The following PAGE2B variants were observed in gnomAD, a reference collection of about 807,000 sequenced individuals.
The protein encoded by PAGE2B is PAGE family member 2B, also known as putative G antigen family E member 3.
PAGE2B carries 5 observed loss-of-function variants against 7.6 expected under a neutral mutation model. The observed-to-expected ratio is 0.66, with a 90% CI of 0.34 to 1.38. The LOEUF (loss-of-function observed/expected upper bound fraction) is 1.38. Ranked by LOEUF, PAGE2B falls within the 40% of genes most tolerant of loss-of-function variation. The probability of loss-of-function intolerance (pLI) is 0.04; values close to 1 mark genes in which losing one functional copy is unlikely to be tolerated. For missense variants in PAGE2B, 70 were observed against 78.4 expected (o/e 0.89, Z 0.41); for synonymous variants, 29 against 26.7 (o/e 1.09, Z -0.27).
At chrX:55,039,150 A>G in the PAGE2B span, among the ~76,000 whole-genome samples, 1 of 111,514 alleles carries the variant, frequency 9.0e-6, no homozygotes, top group Non-Finnish European at 1.9e-5. Flanking sequence ...CTTTCAGGTT[A>G]CAGCACGCAG....
chrX:55,067,132 G>A, the PAGE2B span, among the ~76,000 whole-genome samples: 2 of 110,206 alleles, frequency 1.8e-5, no homozygotes, highest in Admixed American at 1.9e-4. Flanking sequence ...AGGTATACAC[G>A]TGCCATGGTG....
the PAGE2B span, among the ~76,000 whole-genome samples, chrX:55,060,140 T>G: frequency 9.0e-6 from 1 of 111,714 alleles, no homozygotes; most frequent in Non-Finnish European, 1.9e-5. Context: ...TTTACTTCCT[T>G]TGGGTATATA....
chrX:55,069,301 T>G, the PAGE2B span, among the ~76,000 whole-genome samples: 2 of 111,965 alleles, frequency 1.8e-5, no homozygotes, highest in African/African-American at 6.5e-5. Flanking sequence ...GATAATCATG[T>G]GGTTTTTGTC....
At chrX:55,074,482 A>G (rs2146464681), upstream of PAGE2B, among the ~76,000 whole-genome samples, 1 of 112,360 alleles carries the variant, frequency 8.9e-6, no homozygotes, top group African/African-American at 3.2e-5. Flanking sequence ...GTAGGTGATG[A>G]TAAAAGAGCC....
At chrX:55,037,615 C>G in the PAGE2B span, among the ~76,000 whole-genome samples, 1 of 110,293 alleles carries the variant, frequency 9.1e-6, no homozygotes, top group Admixed American at 9.7e-5. Flanking sequence ...ATGTTTATTG[C>G]GGCACTATTC....
At chrX:55,056,720 G>A in the PAGE2B span, among the ~76,000 whole-genome samples, 6 of 111,156 alleles carry the variant, frequency 5.4e-5, no homozygotes, top group Non-Finnish European at 9.4e-5. Flanking sequence ...GAGAGCCTGA[G>A]TTTTGGAATA....
At chrX:55,052,382 G>A in the PAGE2B span, among the ~76,000 whole-genome samples, 4 of 112,574 alleles carry the variant, frequency 3.6e-5, no homozygotes, top group African/African-American at 1.3e-4. Flanking sequence ...GCTGTCTTTT[G>A]TTTGTCTGTT....
At chrX:55,046,104 A>ATTTAT in the PAGE2B span, among the ~76,000 whole-genome samples, 7 of 110,742 alleles carry the variant, frequency 6.3e-5, no homozygotes, top group Middle Eastern at 4.3e-3. Context: ...TTTTATTTTT[A>ATTTAT]TTTATTTTAT....
At position 55,076,031 on chromosome X, in the gene PAGE2B, C is replaced by G; in HGVS notation, c.-8-3C>G. 1 of 1,200,298 alleles carries G rather than the reference C, an allele frequency of 8.3e-7. No individual in the cohort carries two copies. The highest frequency in any genetic ancestry group is 1.1e-6 in the Non-Finnish European group (1 of 887,440). On this transcript the variant is annotated splice_polypyrimidine_tract_variant and splice_region_variant and intron_variant, in intron 1 of 4. Transcript: ENST00000374971. ...TTTCCAAATAACAGTATTCTATTTT[C>G]AGTGGGAAATATGAGTGAGCATGTG...
At chrX:55,057,583 C>T in the PAGE2B span, among the ~76,000 whole-genome samples, 1 of 110,762 alleles carries the variant, frequency 9.0e-6, no homozygotes, top group Non-Finnish European at 1.9e-5. Context: ...GATATTGCCT[C>T]TGTACGTGGC....
the PAGE2B span, among the ~76,000 whole-genome samples, chrX:55,041,327 C>T: frequency 9.1e-6 from 1 of 110,280 alleles, no homozygotes; most frequent in Non-Finnish European, 1.9e-5. Flanking sequence ...GTGATCCGCC[C>T]CCATCAGCCT....
the PAGE2B span, among the ~76,000 whole-genome samples, chrX:55,051,823 T>C: frequency 4.5e-5 from 5 of 112,357 alleles, no homozygotes; most frequent in African/African-American, 1.6e-4. Flanking sequence ...AAAGTCATTC[T>C]CCATCCAGCT....
the PAGE2B span, chrX:55,044,950 T>G: frequency 8.9e-6 from 1 of 111,759 alleles, no homozygotes; most frequent in Admixed American, 9.5e-5. Flanking sequence ...CAAGTAAAAG[T>G]TTTTCCCATA....
At chrX:55,067,879 G>A in the PAGE2B span, among the ~76,000 whole-genome samples, 13 of 112,069 alleles carry the variant, frequency 1.2e-4, no homozygotes, top group South Asian at 7.4e-4. Context: ...CATATCCTTC[G>A]CTCACTTTTG....
At chrX:55,038,067 T>G in the PAGE2B span, among the ~76,000 whole-genome samples, 3 of 108,679 alleles carry the variant, frequency 2.8e-5, no homozygotes, top group Middle Eastern at 4.3e-3. Flanking sequence ...AAAATAAAAA[T>G]AAAAAAAAGA....
At chrX:55,073,521 G>A (rs1215116713), upstream of PAGE2B, among the ~76,000 whole-genome samples, 2 of 111,614 alleles carry the variant, frequency 1.8e-5, no homozygotes, top group Non-Finnish European at 3.8e-5. Flanking sequence ...CCAGATCCCC[G>A]CAACCATCCC....
At chrX:55,031,777 T>A in the PAGE2B span, among the ~76,000 whole-genome samples, 1 of 111,324 alleles carries the variant, frequency 9.0e-6, no homozygotes, top group Non-Finnish European at 1.9e-5. Context: ...TTCTCCTCCC[T>A]TTTTCATTTT....
the PAGE2B span, among the ~76,000 whole-genome samples, chrX:55,049,538 A>G: frequency 1.1e-4 from 12 of 110,296 alleles, no homozygotes; most frequent in Non-Finnish European, 1.9e-4. Context: ...GTCTTGGGAG[A>G]GTGTATGTGT....
the PAGE2B span, among the ~76,000 whole-genome samples, chrX:55,038,675 T>C: frequency 8.9e-6 from 1 of 111,971 alleles, no homozygotes; most frequent in Admixed American, 9.5e-5. Context: ...TTGAATTTTC[T>C]GAAGTTTTTG....
Sources: allele counts gnomAD v4.1 joint callset (sites outside exome capture counted in the v4.1 genomes callset), GRCh38; gene constraint gnomAD v4.1.1; transcripts MANE v1.5; gene names NCBI Gene and HGNC (gene_info 2026-07-23, HGNC 2026-07-21).